EFHC2: variants seen among roughly 807,000 people sequenced by gnomAD.
EFHC2 encodes the protein EF-hand domain containing 2.
In EFHC2, 18 loss-of-function variants were observed where a neutral mutation model predicts 52.7. The ratio of observed to expected loss-of-function variants is 0.34; its 90% CI spans 0.24 to 0.51. EFHC2 has a LOEUF of 0.51. Ranked by LOEUF, EFHC2 falls within the 20% of genes least tolerant of loss-of-function variation. The probability of loss-of-function intolerance (pLI) is 0.97; values close to 1 mark genes in which losing one functional copy is unlikely to be tolerated. For missense variants in EFHC2, 513 were observed against 562.5 expected, an observed-to-expected ratio of 0.91 and a Z score of 0.89; for synonymous variants, 203 against 204.1, an observed-to-expected ratio of 0.99 and a Z score of 0.04.
chrX:44,340,447 T>C (rs1176716559), intron 1 of EFHC2, among the ~76,000 whole-genome samples: 1 of 103,304 alleles, frequency 9.7e-6, no homozygotes, highest in African/African-American at 3.6e-5. Context: ...AAGTCAGGAG[T>C]TCAAGACCAG....
chrX:44,231,590 C>A (rs1248411352), intron 10 of EFHC2, among the ~76,000 whole-genome samples: 2 of 109,361 alleles, frequency 1.8e-5, no homozygotes, highest in Non-Finnish European at 3.8e-5. Context: ...TCACACTTCT[C>A]ATTCTGTCTT....
intron 2 of EFHC2, among the ~76,000 whole-genome samples, chrX:44,282,937 C>T (rs1244494185): frequency 9.2e-6 from 1 of 108,564 alleles, no homozygotes; most frequent in Non-Finnish European, 1.9e-5. Context: ...TTAGATGGAG[C>T]GGGCTGCTGG....
intron 11 of EFHC2, among the ~76,000 whole-genome samples, chrX:44,217,964 A>T (rs184222362): frequency 4.8e-4 from 54 of 111,692 alleles, no homozygotes; most frequent in Non-Finnish European, 1.3e-4. Context: ...ATAAATATAT[A>T]CACCTACTAT....
intron 11 of EFHC2, among the ~76,000 whole-genome samples, chrX:44,181,841 A>G (rs771853283): frequency 3.7e-4 from 42 of 112,786 alleles, no homozygotes; most frequent in African/African-American, 1.4e-3. Flanking sequence ...CGCATTTGCC[A>G]CAAGTGTGTT....
chrX:44,159,716 A>G (rs1358642959), intron 14 of EFHC2, among the ~76,000 whole-genome samples: 2 of 112,635 alleles, frequency 1.8e-5, no homozygotes, highest in African/African-American at 6.5e-5. Flanking sequence ...AATGAATCGC[A>G]ATTAGAAGAA....
chrX:44,237,423 AC>A (rs1286845080), intron 8 of EFHC2, among the ~76,000 whole-genome samples: 66 of 111,707 alleles, frequency 5.9e-4, no homozygotes, highest in African/African-American at 2.1e-3. Context: ...CTCTATATAG[AC>A]TTTTACTCTT....
intron 3 of EFHC2, among the ~76,000 whole-genome samples, chrX:44,267,359 T>G (rs2037585838): frequency 8.9e-6 from 1 of 111,971 alleles, no homozygotes; most frequent in Admixed American, 9.5e-5. Context: ...CAATACTGGC[T>G]TTCTTGACTC....
At chrX:44,325,637 T>C (rs985320671) in intron 1 of EFHC2, among the ~76,000 whole-genome samples, 2 of 109,175 alleles carry the variant, frequency 1.8e-5, no homozygotes, top group African/African-American at 6.7e-5. Flanking sequence ...TATAGTCATC[T>C]ACATCAGGAG....
chrX:44,233,485 C>T (rs938457560), intron 9 of EFHC2, among the ~76,000 whole-genome samples: 1 of 111,326 alleles, frequency 9.0e-6, no homozygotes, highest in Non-Finnish European at 1.9e-5. Context: ...TAGAGTTGAA[C>T]AGGGAACTCC....
intron 11 of EFHC2, among the ~76,000 whole-genome samples, chrX:44,201,789 T>C (rs1207404060): frequency 1.8e-5 from 2 of 112,159 alleles, no homozygotes; most frequent in African/African-American, 3.2e-5. Flanking sequence ...CTGAAACTCA[T>C]CTTATGAAGC....
chrX:44,307,352 T>C (rs1243452760), intron 2 of EFHC2, among the ~76,000 whole-genome samples: 13 of 112,395 alleles, frequency 1.2e-4, no homozygotes, highest in African/African-American at 4.2e-4. Context: ...AAAACGTCTT[T>C]TATTTTTTTT....
At chrX:44,312,465 T>A in intron 2 of EFHC2, 103 bp downstream of exon 2, 1 of 594,278 alleles carries the variant, frequency 1.7e-6, no homozygotes, top group Non-Finnish European at 2.4e-6. Context: ...GAAAAAGAAC[T>A]AGCCTTAACA....
chrX:44,199,908 G>A (rs751602337), intron 11 of EFHC2, among the ~76,000 whole-genome samples: 1 of 112,019 alleles, frequency 8.9e-6, no homozygotes, highest in Admixed American at 9.4e-5. Flanking sequence ...AAGTATCAAG[G>A]TCATAAAAGA....
At chrX:44,335,461 C>T (rs1055896213) in intron 1 of EFHC2, among the ~76,000 whole-genome samples, 2 of 110,737 alleles carry the variant, frequency 1.8e-5, no homozygotes, top group African/African-American at 6.6e-5. Flanking sequence ...TTAACCATAC[C>T]GACAGCAATG....
Position 44,245,885 on chromosome X carries a change from C to T in EFHC2, c.1111+2387G>A, listed in dbSNP as rs777554889. Among the ~76,000 whole-genome samples the T allele has an allele frequency of 6.3e-5, 7 of 111,542 alleles. No homozygotes were observed. The East Asian group carries it at 2.0e-3, about 31-fold the overall frequency. ...AGGAGAAGGTACTAAAGCACCAAGG[C>T]GGCGTACTGCGTTAGAAATCTCCCG... On this transcript the variant is annotated intron_variant, in intron 7 of 14. Transcript: ENST00000420999.
At chrX:44,245,109 C>A (rs1483366836) in intron 7 of EFHC2, among the ~76,000 whole-genome samples, 1 of 111,620 alleles carries the variant, frequency 9.0e-6, no homozygotes, top group African/African-American at 3.3e-5. Flanking sequence ...GACCAGAAGC[C>A]AATTCTATCC....
At chrX:44,249,008 T>C in intron 5 of EFHC2, 92 bp from the exon 6 acceptor site, 1 of 482,596 alleles carries the variant, frequency 2.1e-6, no homozygotes. Context: ...TGGCACTCAA[T>C]GAATATTTGT....
chrX:44,317,144 C>T (rs1389617483), intron 1 of EFHC2, among the ~76,000 whole-genome samples: 3 of 111,831 alleles, frequency 2.7e-5, no homozygotes, highest in African/African-American at 9.8e-5. Flanking sequence ...CTTCCACAGC[C>T]CTTCGTATTT....
chrX:44,341,876 T>C (rs1010475403), intron 1 of EFHC2, among the ~76,000 whole-genome samples: 2 of 112,716 alleles, frequency 1.8e-5, no homozygotes, highest in Admixed American at 9.4e-5. Flanking sequence ...TGCAGATTTA[T>C]TAATATTTCA....
Sources: gnomAD v4.1 joint callset for allele counts (sites outside exome capture counted in the v4.1 genomes callset) on GRCh38, gnomAD v4.1.1 for gene constraint, MANE v1.5 for transcripts, NCBI Gene and HGNC (gene_info 2026-07-23, HGNC 2026-07-21) for gene names.